Variants in RNF2 observed in about 807,000 individuals in gnomAD.
RNF2 encodes ring finger protein 2, also known as E3 ubiquitin-protein ligase RING2.
A neutral mutation model predicts 37.2 loss-of-function variants in RNF2; 6 were observed. That is an observed-to-expected ratio of 0.16 (90% CI 0.09 to 0.32). The LOEUF is 0.32. Ranked by LOEUF, RNF2 falls within the 10% of genes least tolerant of loss-of-function variation. The pLI, the probability that RNF2 is intolerant of heterozygous loss-of-function variation, is 1.00. For synonymous variants in RNF2, 133 were observed against 132.7 expected (o/e 1.00, Z -0.02); for missense variants, 251 against 404.0 (o/e 0.62, Z 3.25).
rs372204033 is a variant in RNF2 at position 185,055,808 on chromosome 1, G to A, written c.-3+10159G>A. On this transcript the variant is annotated intron_variant, in intron 1 of 6. Coordinates refer to ENST00000367510, the MANE Select transcript of RNF2 (RefSeq NM_007212.4). ...CTTGGTAAGATTGGAAGTTATATCTGTTGTTTAGTTTTATGAACCTATCCT... is the reference window on the plus strand; with the variant it reads ...CTTGGTAAGATTGGAAGTTATATCTATTGTTTAGTTTTATGAACCTATCCT... Among the ~76,000 whole-genome samples the A allele has an allele frequency of 1.2e-3, 176 of 152,256 alleles. 1 individual carries two copies. The highest frequency in any genetic ancestry group is 3.5e-3 in the African/African-American group (145 of 41,566).
Position 185,082,345 on chromosome 1 carries a change from C to CTTTTTTTTTTTTT in RNF2, c.-2-5197_-2-5185dup, listed in dbSNP as rs3036553. 2.9e-3 allele frequency among the ~76,000 whole-genome samples: 207 copies of CTTTTTTTTTTTTT among 71,960 alleles called. 29 individuals carry two copies. Among genetic ancestry groups the CTTTTTTTTTTTTT allele is most frequent in the South Asian group, 5.7e-3 (11 of 1,932 alleles). The allele number at this position is 71,960 out of a possible 152,430, so 47.2% of individuals were successfully genotyped here. On this transcript the variant is annotated intron_variant, in intron 1 of 6. Coordinates refer to ENST00000367510, the MANE Select transcript of RNF2 (RefSeq NM_007212.4). The stretch of plus-strand genomic sequence containing the variant: ...CAAGGTTCTTGTCTCCTCTGCAGAA[C>CTTTTTTTTTTTTT]TTTTTTTTTTTTTTTTTTTTTTGAA...
intron 3 of RNF2, among the ~76,000 whole-genome samples, chr1:185,092,363 G>C (rs1651791582): frequency 6.6e-6 from 1 of 151,980 alleles, no homozygotes; most frequent in East Asian, 1.9e-4. Context: ...TTTTAGTAGA[G>C]GGGGGCTTTC....
intron 1 of RNF2, among the ~76,000 whole-genome samples, chr1:185,067,829 G>C (rs1385079060): frequency 2.0e-5 from 3 of 149,034 alleles, no homozygotes; most frequent in Non-Finnish European, 4.4e-5. Flanking sequence ...TCCTACCTCA[G>C]CCTCTCGAGT....
At chr1:185,078,626 C>T (rs898842987) in intron 1 of RNF2, among the ~76,000 whole-genome samples, 28 of 152,218 alleles carry the variant, frequency 1.8e-4, no homozygotes, top group African/African-American at 6.8e-4. Flanking sequence ...TGGCTCACTC[C>T]TCCACTCATT....
intron 1 of RNF2, among the ~76,000 whole-genome samples, chr1:185,051,400 C>G (rs533829512): frequency 6.6e-6 from 1 of 151,992 alleles, no homozygotes; most frequent in Non-Finnish European, 1.5e-5. Context: ...AGTCTCTTTT[C>G]TTTTGTTAAA....
At chr1:185,070,616 G>T (rs940020982) in intron 1 of RNF2, among the ~76,000 whole-genome samples, 5 of 149,578 alleles carry the variant, frequency 3.3e-5, no homozygotes, top group Non-Finnish European at 4.4e-5. Context: ...TCTAACTTCT[G>T]TAGACTGCAG....
intron 1 of RNF2, among the ~76,000 whole-genome samples, chr1:185,071,185 A>G (rs2102172491): frequency 6.6e-6 from 1 of 152,310 alleles, no homozygotes; most frequent in South Asian, 2.1e-4. Flanking sequence ...GAGTAGAGGA[A>G]AAAGTCAGTT....
At chr1:185,083,387 G>A (rs1333389774) in intron 1 of RNF2, among the ~76,000 whole-genome samples, 1 of 152,022 alleles carries the variant, frequency 6.6e-6, no homozygotes, top group Non-Finnish European at 1.5e-5. Context: ...CCCGTATTTT[G>A]TTTTAGCCTA....
intron 1 of RNF2, among the ~76,000 whole-genome samples, chr1:185,047,446 A>G (rs1286097760): frequency 6.6e-6 from 1 of 152,216 alleles, no homozygotes; most frequent in Non-Finnish European, 1.5e-5. Context: ...ACATGTTTGG[A>G]ATTTTATTAG....
chr1:185,058,388 G>A (rs892402973), intron 1 of RNF2, among the ~76,000 whole-genome samples: 3 of 152,116 alleles, frequency 2.0e-5, no homozygotes, highest in African/African-American at 7.2e-5. Flanking sequence ...GTGTGCATGT[G>A]CTTTTGTATG....
At chr1:185,092,117 C>G (rs948330966) in intron 3 of RNF2, 1 of 165,184 alleles carries the variant, frequency 6.1e-6, no homozygotes, top group Admixed American at 6.3e-5. Flanking sequence ...ACATGAGTCA[C>G]TGCACCTGGC....
At chr1:185,091,166 G>GA (rs952249174) in intron 2 of RNF2, among the ~76,000 whole-genome samples, 10 of 152,168 alleles carry the variant, frequency 6.6e-5, no homozygotes, top group African/African-American at 2.4e-4. Context: ...GACGTTTTCT[G>GA]AGGGTTAATT....
intron 1 of RNF2, among the ~76,000 whole-genome samples, chr1:185,085,893 C>G (rs937369842): frequency 6.6e-6 from 1 of 152,116 alleles, no homozygotes; most frequent in Non-Finnish European, 1.5e-5. Context: ...CTCAGGTGAT[C>G]TGCCTGCCTT....
intron 1 of RNF2, among the ~76,000 whole-genome samples, chr1:185,083,544 A>G (rs961133653): frequency 2.0e-5 from 3 of 151,712 alleles, no homozygotes; most frequent in Admixed American, 2.0e-4. Context: ...GCAGCCTTGA[A>G]CTCCTGGGCT....
chr1:185,085,356 TCGATCTCCTGACTTCATGATCCGC>T, intron 1 of RNF2, among the ~76,000 whole-genome samples: 1 of 151,738 alleles, frequency 6.6e-6, no homozygotes, highest in African/African-American at 2.4e-5. Context: ...CACCGTGGTC[TCGATCTCCTGACTTCATGATCCGC>T]CTGCCTCGGC....
Position 185,082,345 on chromosome 1 carries a change from CTT to C in RNF2, c.-2-5186_-2-5185del, listed in dbSNP as rs3036553. Among the ~76,000 whole-genome samples the C allele has an allele frequency of 5.6e-3, 405 of 71,974 alleles. 8 individuals are homozygous for C. Among genetic ancestry groups the C allele is most frequent in the African/African-American group, 0.014 (328 of 23,012 alleles). 47.2% of individuals were successfully genotyped at this position (71,974 alleles called of 152,430 possible). ...CAAGGTTCTTGTCTCCTCTGCAGAA[CTT>C]TTTTTTTTTTTTTTTTTTTTGAAGA... On this transcript the variant is annotated intron_variant, in intron 1 of 6. Coordinates refer to ENST00000367510, the MANE Select transcript of RNF2 (RefSeq NM_007212.4).
At chr1:185,074,291 A>G (rs1021182256) in intron 1 of RNF2, among the ~76,000 whole-genome samples, 10 of 152,154 alleles carry the variant, frequency 6.6e-5, no homozygotes, top group African/African-American at 2.2e-4. Context: ...TGGTTAAATC[A>G]TTGGCCATTG....
At chr1:185,096,861 G>T (rs1651927300) in intron 4 of RNF2, among the ~76,000 whole-genome samples, 2 of 146,234 alleles carry the variant, frequency 1.4e-5, no homozygotes, top group African/African-American at 2.5e-5. Flanking sequence ...TTTAAAGCAT[G>T]AGTTCTTGAG....
intron 1 of RNF2, chr1:185,071,422 G>A (rs1650969312): frequency 6.6e-6 from 1 of 152,212 alleles, no homozygotes; most frequent in South Asian, 2.1e-4. Context: ...TATGGATGAG[G>A]CTACATATGT....
Sources: allele counts gnomAD v4.1 joint callset (sites outside exome capture counted in the v4.1 genomes callset), GRCh38; gene constraint gnomAD v4.1.1; transcripts MANE v1.5; gene names NCBI Gene and HGNC (gene_info 2026-07-23, HGNC 2026-07-21).